Variants in CSMD1 observed in about 807,000 individuals in gnomAD.
CSMD1 encodes the protein CUB and Sushi multiple domains 1, also known as CUB and sushi domain-containing protein 1.
In CSMD1, 213 loss-of-function variants were observed where a neutral mutation model predicts 417.5. The observed-to-expected ratio is 0.51, with a 90% CI of 0.46 to 0.57. The LOEUF (loss-of-function observed/expected upper bound fraction) is 0.57, where lower values mean the gene tolerates loss of function less well. CSMD1 is among the 20% of genes least tolerant of loss of function. The pLI, the probability that CSMD1 is intolerant of heterozygous loss-of-function variation, is 0.00. For missense variants in CSMD1, 6,923 were observed against 4,529.7 expected, an observed-to-expected ratio of 1.53 and a Z score of -15.17; for synonymous variants, 2,862 against 1,736.8, an observed-to-expected ratio of 1.65 and a Z score of -16.11.
chr8:3,000,085 A>C lies in CSMD1; in HGVS notation c.8076T>G (p.Ser2692Arg). ...SPDPIVNGHI[S>R]GDGFSYRDTV... is the part of the protein sequence containing the mutation. ...TGTCTCTGTAACTGAAGCCATCTCC[A>C]CTAATGTGACCGTTCACAATCGGGT... The change falls in exon 53 of 70, where the codon AGT (serine) becomes AGG (arginine). Residue 2692 changes from serine to arginine, a missense_variant. Physicochemically the swap from Ser to Arg is moderately radical, Grantham distance 110. Coordinates refer to ENST00000635120, the MANE Select transcript of CSMD1 (RefSeq NM_033225.6). 6.3e-7 allele frequency: 1 copy of C among 1,590,914 alleles called. No homozygotes were observed. The highest frequency in any genetic ancestry group is 1.8e-5 in the Admixed American group (1 of 56,740).
chr8:4,940,228 T>G (rs752799230), intron 1 of CSMD1, among the ~76,000 whole-genome samples: 1 of 152,156 alleles, frequency 6.6e-6, no homozygotes, highest in Non-Finnish European at 1.5e-5. Flanking sequence ...AAAGCGTATT[T>G]GAGAAGGACA....
At chr8:4,139,268 G>C (rs935768449) in intron 3 of CSMD1, among the ~76,000 whole-genome samples, 4 of 152,184 alleles carry the variant, frequency 2.6e-5, no homozygotes, top group Admixed American at 2.0e-4. Flanking sequence ...TCAGTGTAAA[G>C]TGTTGCATAA....
chr8:3,957,178 T>C (rs1366570887), intron 5 of CSMD1, among the ~76,000 whole-genome samples: 3 of 152,180 alleles, frequency 2.0e-5, no homozygotes, highest in East Asian at 3.9e-4. Flanking sequence ...AGATCCCTGA[T>C]GTAACTGCAG....
intron 3 of CSMD1, among the ~76,000 whole-genome samples, chr8:4,329,915 G>T (rs1429952362): frequency 6.6e-6 from 1 of 151,980 alleles, no homozygotes; most frequent in Non-Finnish European, 1.5e-5. Flanking sequence ...CTCTGGCCAT[G>T]TGAGGTGTCT....
intron 4 of CSMD1, among the ~76,000 whole-genome samples, chr8:4,001,507 A>T (rs541393543): frequency 3.7e-4 from 56 of 152,228 alleles, no homozygotes; most frequent in African/African-American, 1.3e-3. Flanking sequence ...GCTGGTGCCC[A>T]CCCCTGAGTA....
chr8:3,551,597 T>TA (rs1491324597), intron 10 of CSMD1, among the ~76,000 whole-genome samples: 12,209 of 88,324 alleles, frequency 0.14, 417 homozygotes, highest in Admixed American at 0.18. Flanking sequence ...TATATATATA[T>TA]TTTTTTTTTT....
intron 3 of CSMD1, among the ~76,000 whole-genome samples, chr8:4,377,002 G>A (rs551804870): frequency 6.6e-6 from 1 of 152,332 alleles, no homozygotes; most frequent in South Asian, 2.1e-4. Flanking sequence ...TGTGCCCCGG[G>A]ACACAGGTAC....
At chr8:4,433,339 G>C (rs999452153) in intron 2 of CSMD1, among the ~76,000 whole-genome samples, 3 of 152,222 alleles carry the variant, frequency 2.0e-5, no homozygotes, top group East Asian at 3.9e-4. Context: ...AGAAAGGTTG[G>C]GGACTGCTAT....
chr8:4,407,208 C>G (rs1805091105), intron 3 of CSMD1, among the ~76,000 whole-genome samples: 2 of 152,140 alleles, frequency 1.3e-5, no homozygotes, highest in Non-Finnish European at 2.9e-5. Flanking sequence ...AGTGATCACC[C>G]CTGAATTCCA....
chr8:3,954,053 C>G (rs1425094818), intron 5 of CSMD1, among the ~76,000 whole-genome samples: 1 of 152,274 alleles, frequency 6.6e-6, no homozygotes, highest in African/African-American at 2.4e-5. Flanking sequence ...CTTGGGAGCT[C>G]CTGTCCCCGG....
chr8:3,059,977 A>C (rs1396314280), intron 49 of CSMD1, among the ~76,000 whole-genome samples: 1 of 152,062 alleles, frequency 6.6e-6, no homozygotes, highest in Non-Finnish European at 1.5e-5. Flanking sequence ...GGCAGTGGGT[A>C]TTAGGTCTGG....
chr8:4,564,258 A>T (rs967107697), intron 2 of CSMD1, among the ~76,000 whole-genome samples: 3 of 152,206 alleles, frequency 2.0e-5, no homozygotes, highest in Non-Finnish European at 4.4e-5. Context: ...TACAGATAAC[A>T]GTTTTATAAT....
At chr8:4,690,577 ATAT>A (rs1806703414) in intron 1 of CSMD1, among the ~76,000 whole-genome samples, 1 of 152,152 alleles carries the variant, frequency 6.6e-6, no homozygotes, top group African/African-American at 2.4e-5. Context: ...GAATTCTAAA[ATAT>A]TATATTTTAG....
intron 12 of CSMD1, among the ~76,000 whole-genome samples, chr8:3,418,326 T>A (rs898125085): frequency 1.3e-5 from 2 of 151,906 alleles, no homozygotes; most frequent in African/African-American, 4.8e-5. Flanking sequence ...ACCATGAGAG[T>A]ATAGATTTTC....
chr8:3,638,018 T>C (rs1797131516), intron 7 of CSMD1, among the ~76,000 whole-genome samples: 1 of 152,172 alleles, frequency 6.6e-6, no homozygotes, highest in Non-Finnish European at 1.5e-5. Context: ...AAACCTATTT[T>C]TCATTATAAA....
chr8:4,845,113 C>G (rs1442368644), intron 1 of CSMD1, among the ~76,000 whole-genome samples: 5 of 152,104 alleles, frequency 3.3e-5, no homozygotes, highest in Admixed American at 1.3e-4. Context: ...TTATTCTCCC[C>G]TAAGCAGTTT....
intron 4 of CSMD1, among the ~76,000 whole-genome samples, chr8:4,023,433 C>G (rs1018142018): frequency 6.6e-6 from 1 of 152,112 alleles, no homozygotes; most frequent in African/African-American, 2.4e-5. Context: ...TGAGGCAAAG[C>G]CAGCACTCAT....
chr8:4,066,067 G>C (rs574637040), intron 3 of CSMD1, among the ~76,000 whole-genome samples: 1 of 152,334 alleles, frequency 6.6e-6, no homozygotes, highest in Non-Finnish European at 1.5e-5. Context: ...GCCTGGAATA[G>C]GTGGCTCATT....
At chr8:3,811,459 G>T (rs1317745798) in intron 5 of CSMD1, among the ~76,000 whole-genome samples, 1 of 152,126 alleles carries the variant, frequency 6.6e-6, no homozygotes, top group Non-Finnish European at 1.5e-5. Context: ...ATTTTATCTA[G>T]AATAGACATT....
Sources: gnomAD v4.1 joint callset for allele counts (sites outside exome capture counted in the v4.1 genomes callset) on GRCh38, gnomAD v4.1.1 for gene constraint, MANE v1.5 for transcripts, NCBI Gene and HGNC (gene_info 2026-07-23, HGNC 2026-07-21) for gene names.